ATP8A2: variants seen among roughly 807,000 people sequenced by gnomAD.
ATP8A2 encodes the protein ATPase phospholipid transporting 8A2.
ATP8A2 carries 100 observed loss-of-function variants against 165.6 expected under a neutral mutation model. That is an observed-to-expected ratio of 0.60 (90% CI 0.51 to 0.71). The LOEUF is 0.71. Among genes scored for constraint, ATP8A2 ranks in the 30% least tolerant of loss-of-function variants. ATP8A2 has a pLI of 0.00. For synonymous variants in ATP8A2, 543 were observed against 548.8 expected (o/e 0.99, Z 0.15); for missense variants, 1,227 against 1,479.5 (o/e 0.83, Z 2.80).
chr13:25,641,838 A>G (rs564871147), intron 24 of ATP8A2, among the ~76,000 whole-genome samples: 2 of 40,866 alleles, frequency 4.9e-5, no homozygotes, highest in South Asian at 2.4e-3. Flanking sequence ...GCGTCACGCT[A>G]CCTGACTTCA....
In ATP8A2 at chr13:25,649,784, G is replaced by A. The variant is rs1224413864; in HGVS notation, c.2212-49389G>A. 3.3e-5 allele frequency among the ~76,000 whole-genome samples: 5 copies of A among 152,172 alleles called. 1 individual carries two copies. The highest frequency in any genetic ancestry group is 1.2e-4 in the African/African-American group (5 of 41,428). ...CCAAGGCTGGTCCTGGATTGTGCCT[G>A]TCTAGGAATTCAAGCCAGGTAGCAC... On this transcript the variant is annotated intron_variant, in intron 24 of 36. Transcript: ENST00000381655.
chr13:25,430,518 A>G (rs1490364100), intron 1 of ATP8A2, among the ~76,000 whole-genome samples: 1 of 152,196 alleles, frequency 6.6e-6, no homozygotes, highest in Non-Finnish European at 1.5e-5. Context: ...TAGTCGACTG[A>G]GGAGTGAATA....
chr13:25,882,818 A>T (rs917925427), intron 33 of ATP8A2, among the ~76,000 whole-genome samples: 18 of 152,200 alleles, frequency 1.2e-4, no homozygotes, highest in African/African-American at 3.6e-4. Flanking sequence ...CTACTCACTG[A>T]TGGAGGGGCG....
At chr13:25,990,297 C>T (rs1956364224) in intron 35 of ATP8A2, among the ~76,000 whole-genome samples, 1 of 151,222 alleles carries the variant, frequency 6.6e-6, no homozygotes. Context: ...AATTCCTGCC[C>T]TCATAGAACT....
chr13:26,019,879 C>T lies in ATP8A2; in HGVS notation c.3470-9C>T, dbSNP rs1217231619. 1 of 1,605,350 alleles carries T rather than the reference C, an allele frequency of 6.2e-7. No individual in the cohort carries two copies. The highest frequency in any genetic ancestry group is 1.7e-5 in the Admixed American group (1 of 60,002). The stretch of plus-strand genomic sequence containing the variant: ...GTTAACCAGTTTCTCCTGTGTGCTT[C>T]ACTTTCAGATGGGTATGCTTTTTCT... On this transcript the variant is annotated splice_polypyrimidine_tract_variant and intron_variant, in intron 36 of 36. Transcript: ENST00000381655.
rs377088015 is a variant in ATP8A2, at chr13:25,820,535, G to A, written c.2680-7583G>A. 1.7e-4 allele frequency among the ~76,000 whole-genome samples: 26 copies of A among 152,288 alleles called. No individual in the cohort carries two copies. In the East Asian group the frequency reaches 2.1e-3, roughly 12 times the overall value. On this transcript the variant is annotated intron_variant, in intron 27 of 36. Transcript: ENST00000381655. ...CAAGCCACCATCCAAGTAACTGCAC[G>A]TCAAATGGGGGACGGACAGTCTGTT... is the stretch of plus-strand genomic sequence containing the variant.
chr13:25,720,513 C>T (rs981433445), intron 25 of ATP8A2, among the ~76,000 whole-genome samples: 1 of 152,208 alleles, frequency 6.6e-6, no homozygotes, highest in East Asian at 1.9e-4. Flanking sequence ...TCAGAGTTGG[C>T]AAAGAAAATA....
intron 27 of ATP8A2, among the ~76,000 whole-genome samples, chr13:25,777,370 C>A (rs2044765872): frequency 6.6e-6 from 1 of 152,166 alleles, no homozygotes; most frequent in South Asian, 2.1e-4. Flanking sequence ...TAGGAAAGTA[C>A]TACTTACTTG....
intron 33 of ATP8A2, among the ~76,000 whole-genome samples, chr13:25,886,000 A>G (rs1042404472): frequency 1.3e-5 from 2 of 152,120 alleles, no homozygotes; most frequent in African/African-American, 2.4e-5. Context: ...CACTGAAGAG[A>G]ATGTGGGAAA....
chr13:25,425,977 C>T (rs1472227056), intron 1 of ATP8A2, among the ~76,000 whole-genome samples: 1 of 152,180 alleles, frequency 6.6e-6, no homozygotes, highest in African/African-American at 2.4e-5. Context: ...ACTTCTTTGT[C>T]TGAATGGATG....
chr13:25,836,644 C>A (rs1951617823), intron 28 of ATP8A2, among the ~76,000 whole-genome samples: 1 of 152,218 alleles, frequency 6.6e-6, no homozygotes, highest in African/African-American at 2.4e-5. Context: ...GGTCCTAATT[C>A]CTTTCCTTCT....
At chr13:25,585,168 T>C (rs2039887378) in intron 23 of ATP8A2, among the ~76,000 whole-genome samples, 1 of 152,222 alleles carries the variant, frequency 6.6e-6, no homozygotes, top group Non-Finnish European at 1.5e-5. Flanking sequence ...GAAATTGGCA[T>C]GTTGCCAGAA....
intron 24 of ATP8A2, among the ~76,000 whole-genome samples, chr13:25,638,153 G>A (rs377763349): frequency 1.3e-4 from 20 of 152,202 alleles, no homozygotes; most frequent in East Asian, 5.8e-4. Context: ...CACAAAGATG[G>A]GGAAAAAACA....
chr13:25,753,250 G>A (rs1378329009), intron 25 of ATP8A2, among the ~76,000 whole-genome samples: 1 of 152,228 alleles, frequency 6.6e-6, no homozygotes, highest in South Asian at 2.1e-4. Context: ...CAAACCAAGT[G>A]CTAACACTTA....
chr13:25,969,187 G>A (rs1233823830), intron 35 of ATP8A2, among the ~76,000 whole-genome samples: 1 of 152,200 alleles, frequency 6.6e-6, no homozygotes, highest in East Asian at 1.9e-4. Context: ...GAAAGGAATC[G>A]TGTGAACTCC....
At chr13:25,857,950 C>G (rs1952221127) in intron 30 of ATP8A2, among the ~76,000 whole-genome samples, 1 of 152,172 alleles carries the variant, frequency 6.6e-6, no homozygotes. Context: ...CCTGTCTCCT[C>G]ACTAGACCAC....
chr13:25,958,256 C>A (rs1955575422), intron 33 of ATP8A2, among the ~76,000 whole-genome samples: 1 of 151,740 alleles, frequency 6.6e-6, no homozygotes, highest in South Asian at 2.1e-4. Flanking sequence ...ATATAACAAA[C>A]CTGCATATGT....
rs187659693 is a variant in ATP8A2, at chr13:25,649,402, A to C, written c.2212-49771A>C. ...AGTGGTACCACTATTTGAGTTCTGCAGTTGGCCAGGGTTGTGGGAGGGGCC... is the reference window on the plus strand; with the variant it reads ...AGTGGTACCACTATTTGAGTTCTGCCGTTGGCCAGGGTTGTGGGAGGGGCC... On this transcript the variant is annotated intron_variant, in intron 24 of 36. Transcript: ENST00000381655. 1.1e-3 allele frequency among the ~76,000 whole-genome samples: 168 copies of C among 152,264 alleles called. 2 individuals are homozygous for C. Among genetic ancestry groups the C allele is most frequent in the African/African-American group, 3.9e-3 (162 of 41,552 alleles).
chr13:25,572,504 TTTTTTCTGAG>T (rs1415856814), intron 18 of ATP8A2, among the ~76,000 whole-genome samples: 1 of 152,142 alleles, frequency 6.6e-6, no homozygotes, highest in South Asian at 2.1e-4. Flanking sequence ...TGTTTTCTGA[TTTTTTCTGAG>T]TTTCCTTACC....
Sources: allele counts gnomAD v4.1 joint callset (sites outside exome capture counted in the v4.1 genomes callset), GRCh38; gene constraint gnomAD v4.1.1; transcripts MANE v1.5; gene names NCBI Gene and HGNC (gene_info 2026-07-23, HGNC 2026-07-21).